The following LSAMP variants were observed in gnomAD, a reference collection of about 807,000 sequenced individuals.
LSAMP encodes limbic system associated membrane protein.
In LSAMP, 7 loss-of-function variants were observed where a neutral mutation model predicts 38.6. The observed-to-expected ratio is 0.18, with a 90% CI of 0.10 to 0.34. The LOEUF (loss-of-function observed/expected upper bound fraction) is 0.34, where lower values mean the gene tolerates loss of function less well. Ranked by LOEUF, LSAMP falls within the 10% of genes least tolerant of loss-of-function variation. The pLI, the probability that LSAMP is intolerant of heterozygous loss-of-function variation, is 1.00. For missense variants in LSAMP, 313 were observed against 420.0 expected, an observed-to-expected ratio of 0.75 and a Z score of 2.23; for synonymous variants, 154 against 166.8, an observed-to-expected ratio of 0.92 and a Z score of 0.59.
At chr3:116,046,610 A>T (rs900254242) in intron 2 of LSAMP, among the ~76,000 whole-genome samples, 2 of 152,212 alleles carry the variant, frequency 1.3e-5, no homozygotes, top group African/African-American at 4.8e-5. Context: ...CGGAGGAATG[A>T]CAACAGATAG....
In LSAMP at chr3:115,810,303, A is replaced by G; in HGVS notation, c.*14T>C. On this transcript the variant is annotated 3_prime_UTR_variant, in exon 7 of 7. Transcript: ENST00000490035. Reference sequence around the variant, plus strand: ...TTTGTGTGTTTTTTAAATTATTTTTAAATTTTTATTCTATTAACATTTGCT... The same window carrying G: ...TTTGTGTGTTTTTTAAATTATTTTTGAATTTTTATTCTATTAACATTTGCT... 6.4e-7 allele frequency: 1 copy of G among 1,554,490 alleles called. No homozygotes were observed. Among genetic ancestry groups the G allele is most frequent in the South Asian group, 1.2e-5 (1 of 84,446 alleles).
At chr3:116,202,783 G>A (rs568147719) in intron 1 of LSAMP, among the ~76,000 whole-genome samples, 7 of 152,124 alleles carry the variant, frequency 4.6e-5, no homozygotes, top group East Asian at 1.9e-4. Context: ...CTCCTACTCC[G>A]GGAAGCCTTT....
At chr3:116,255,725 G>C (rs932250413) in intron 1 of LSAMP, among the ~76,000 whole-genome samples, 3 of 152,182 alleles carry the variant, frequency 2.0e-5, no homozygotes, top group Admixed American at 1.3e-4. Context: ...AATGTAAGGA[G>C]GGGAAGGGCT....
intron 3 of LSAMP, among the ~76,000 whole-genome samples, chr3:115,915,641 CTT>C (rs957374291): frequency 6.9e-6 from 1 of 145,472 alleles, no homozygotes. Flanking sequence ...TAGGAATATC[CTT>C]TTTTTTTTTT....
chr3:116,378,437 T>A (rs1462012156), intron 1 of LSAMP, among the ~76,000 whole-genome samples: 1 of 152,050 alleles, frequency 6.6e-6, no homozygotes, highest in Non-Finnish European at 1.5e-5. Context: ...GAGCAATGAG[T>A]AAAAACATCT....
At chr3:116,250,453 TATTC>T (rs1188427425) in intron 1 of LSAMP, among the ~76,000 whole-genome samples, 1 of 152,112 alleles carries the variant, frequency 6.6e-6, no homozygotes, top group Non-Finnish European at 1.5e-5. Flanking sequence ...CCCTACAAAA[TATTC>T]AAGAAAGAAC....
intron 1 of LSAMP, among the ~76,000 whole-genome samples, chr3:116,275,631 G>C (rs2047040854): frequency 6.6e-6 from 1 of 151,914 alleles, no homozygotes; most frequent in East Asian, 1.9e-4. Flanking sequence ...AATTGTGAAA[G>C]CCAAATAATA....
intron 1 of LSAMP, among the ~76,000 whole-genome samples, chr3:116,219,068 C>G (rs955608408): frequency 6.6e-6 from 1 of 152,176 alleles, no homozygotes; most frequent in African/African-American, 2.4e-5. Context: ...GCTTATTAAT[C>G]TTGCTTAACT....
chr3:116,342,997 G>A (rs2048017054), intron 1 of LSAMP, among the ~76,000 whole-genome samples: 1 of 152,050 alleles, frequency 6.6e-6, no homozygotes, highest in African/African-American at 2.4e-5. Flanking sequence ...TCCATTATGT[G>A]TTAAGTATTT....
At chr3:115,948,104 C>G (rs572145128) in intron 3 of LSAMP, among the ~76,000 whole-genome samples, 2 of 152,304 alleles carry the variant, frequency 1.3e-5, no homozygotes, top group South Asian at 4.1e-4. Context: ...ACATTTCAAT[C>G]TCTTCTGAAT....
At chr3:115,893,560 A>G (rs919254780) in intron 3 of LSAMP, among the ~76,000 whole-genome samples, 2 of 151,988 alleles carry the variant, frequency 1.3e-5, no homozygotes, top group Non-Finnish European at 2.9e-5. Flanking sequence ...TTTTAAAACT[A>G]TCAATTTTAA....
intron 1 of LSAMP, among the ~76,000 whole-genome samples, chr3:116,235,749 T>C (rs981859094): frequency 3.3e-5 from 5 of 152,218 alleles, no homozygotes; most frequent in African/African-American, 1.2e-4. Context: ...GGTCTTACTA[T>C]ATAGAAAAAA....
chr3:116,093,825 TG>T (rs1708172167), intron 1 of LSAMP, among the ~76,000 whole-genome samples: 1 of 152,238 alleles, frequency 6.6e-6, no homozygotes, highest in African/African-American at 2.4e-5. Flanking sequence ...AATGTTATTT[TG>T]ATGCTGTTTG....
Position 116,051,916 on chromosome 3 carries a change from C to T in LSAMP, c.389-32276G>A, listed in dbSNP as rs959726176. ...TACTAGTGGAACAGCTGTCATACCA[C>T]CACCAACTGCTTCAGAACTTCTTTG... On this transcript the variant is annotated intron_variant, in intron 2 of 6. Transcript: ENST00000490035. Among the ~76,000 whole-genome samples the T allele has an allele frequency of 2.0e-5, 3 of 152,140 alleles. No homozygotes were observed. In the East Asian group the frequency reaches 5.8e-4, roughly 29 times the overall value.
At chr3:116,113,420 A>ATATATATATATATATTTT (rs1553705042) in intron 1 of LSAMP, among the ~76,000 whole-genome samples, 1 of 51,044 alleles carries the variant, frequency 2.0e-5, no homozygotes, top group African/African-American at 9.6e-5. Flanking sequence ...ATATATATAT[A>ATATATATATATATATTTT]TTTTTTTTTT....
chr3:116,285,052 A>G (rs1365633401), intron 1 of LSAMP, among the ~76,000 whole-genome samples: 1 of 152,208 alleles, frequency 6.6e-6, no homozygotes, highest in Non-Finnish European at 1.5e-5. Context: ...ACAACAAAGA[A>G]AGCAAAGGTC....
chr3:116,310,156 A>G (rs116285450), intron 1 of LSAMP, among the ~76,000 whole-genome samples: 1,815 of 151,284 alleles, frequency 0.012, 49 homozygotes, highest in African/African-American at 0.043. Context: ...AAGGAACTCA[A>G]TCTATCTGGG....
intron 1 of LSAMP, among the ~76,000 whole-genome samples, chr3:116,232,218 C>T (rs2046409753): frequency 6.6e-6 from 1 of 152,122 alleles, no homozygotes; most frequent in African/African-American, 2.4e-5. Context: ...TTTGGGAGTA[C>T]TAAAATGAGT....
At chr3:115,819,210 C>A (rs1332300309) in intron 6 of LSAMP, among the ~76,000 whole-genome samples, 1 of 151,896 alleles carries the variant, frequency 6.6e-6, no homozygotes, top group Non-Finnish European at 1.5e-5. Context: ...CTTTGGGAGG[C>A]CGAGGTGGGC....
Sources: gnomAD v4.1 joint callset for allele counts (sites outside exome capture counted in the v4.1 genomes callset) on GRCh38, gnomAD v4.1.1 for gene constraint, MANE v1.5 for transcripts, NCBI Gene and HGNC (gene_info 2026-07-23, HGNC 2026-07-21) for gene names.